MAGI2: variants seen among roughly 807,000 people sequenced by gnomAD.
MAGI2 encodes membrane associated guanylate kinase, WW and PDZ domain containing 2.
MAGI2 carries 35 observed loss-of-function variants against 133.3 expected under a neutral mutation model. The observed-to-expected ratio is 0.26, with a 90% CI of 0.20 to 0.35. The LOEUF (loss-of-function observed/expected upper bound fraction) is 0.35. MAGI2 is among the 10% of genes least tolerant of loss of function. MAGI2 has a pLI of 1.00. For missense variants in MAGI2, 1,636 were observed against 1,863.4 expected (o/e 0.88, Z 2.25); for synonymous variants, 729 against 710.6 (o/e 1.03, Z -0.41).
intron 1 of MAGI2, among the ~76,000 whole-genome samples, chr7:79,435,082 A>G (rs1368299303): frequency 6.6e-6 from 1 of 152,150 alleles, no homozygotes; most frequent in Admixed American, 6.5e-5. Context: ...GGGTCTCCAC[A>G]TTGTTGACTG....
chr7:78,922,069 A>G (rs1799273375), intron 2 of MAGI2, among the ~76,000 whole-genome samples: 1 of 152,106 alleles, frequency 6.6e-6, no homozygotes, highest in Non-Finnish European at 1.5e-5. Context: ...AAAAAGCAAC[A>G]GACATGCTTT....
At chr7:78,114,807 G>T (rs1819695998) in intron 20 of MAGI2, among the ~76,000 whole-genome samples, 1 of 152,190 alleles carries the variant, frequency 6.6e-6, no homozygotes, top group Non-Finnish European at 1.5e-5. Flanking sequence ...GTGGACATGG[G>T]ACTCACACAA....
intron 2 of MAGI2, among the ~76,000 whole-genome samples, chr7:78,838,217 G>A (rs191820967): frequency 1.3e-5 from 2 of 152,168 alleles, no homozygotes; most frequent in African/African-American, 4.8e-5. Context: ...CTTAGTCGCT[G>A]TCTTTGTAGA....
chr7:78,247,254 A>ACTC (rs1166176062), intron 10 of MAGI2, among the ~76,000 whole-genome samples: 1 of 151,796 alleles, frequency 6.6e-6, no homozygotes, highest in Non-Finnish European at 1.5e-5. Flanking sequence ...GTTGCCACAA[A>ACTC]CTCCTATAGC....
chr7:78,514,062 TG>T (rs1332054960), intron 4 of MAGI2, among the ~76,000 whole-genome samples: 1 of 113,338 alleles, frequency 8.8e-6, no homozygotes, highest in Non-Finnish European at 1.6e-5. Flanking sequence ...CACTCCAGCC[TG>T]GGCAACAAGA....
At chr7:78,425,389 T>G (rs1799188533) in intron 6 of MAGI2, among the ~76,000 whole-genome samples, 1 of 152,180 alleles carries the variant, frequency 6.6e-6, no homozygotes, top group South Asian at 2.1e-4. Flanking sequence ...TGTGTCTTTA[T>G]CAGCAGCATG....
Position 78,744,343 on chromosome 7 carries a change from A to G in MAGI2, c.419-117104T>C, listed in dbSNP as rs572140515. ...CCATTTGAATTTTTTTGTTTATCTCATTTTTAACTTCTTACCTCACTGGCT... is the reference window on the plus strand; with the variant it reads ...CCATTTGAATTTTTTTGTTTATCTCGTTTTTAACTTCTTACCTCACTGGCT... On this transcript the variant is annotated intron_variant, in intron 2 of 21. Coordinates refer to ENST00000354212, the MANE Select transcript of MAGI2 (RefSeq NM_012301.4). Among the ~76,000 whole-genome samples the G allele has an allele frequency of 1.1e-4, 17 of 152,134 alleles. No individual in the cohort carries two copies. The South Asian group carries it at 3.5e-3, about 32-fold the overall frequency.
At chr7:78,337,356 C>T (rs1789879673) in intron 9 of MAGI2, among the ~76,000 whole-genome samples, 1 of 152,146 alleles carries the variant, frequency 6.6e-6, no homozygotes, top group South Asian at 2.1e-4. Flanking sequence ...CAGCCAAAGG[C>T]ACACTGCCCT....
chr7:78,466,200 G>A (rs1052378063), intron 6 of MAGI2, among the ~76,000 whole-genome samples: 1 of 152,158 alleles, frequency 6.6e-6, no homozygotes, highest in African/African-American at 2.4e-5. Flanking sequence ...ACCTTATTGA[G>A]CCCCTTTTCC....
intron 20 of MAGI2, among the ~76,000 whole-genome samples, chr7:78,082,987 A>G (rs2151195540): frequency 6.7e-6 from 1 of 149,572 alleles, no homozygotes; most frequent in East Asian, 2.0e-4. Flanking sequence ...ATCTGGATAT[A>G]TAAGAAGATC....
intron 2 of MAGI2, among the ~76,000 whole-genome samples, chr7:78,780,380 G>A (rs190201462): frequency 6.6e-5 from 10 of 152,264 alleles, no homozygotes; most frequent in African/African-American, 2.2e-4. Flanking sequence ...AATTTATAAT[G>A]CCACTTTCTG....
At chr7:79,396,517 G>C (rs1845067028) in intron 1 of MAGI2, among the ~76,000 whole-genome samples, 1 of 152,070 alleles carries the variant, frequency 6.6e-6, no homozygotes, top group Non-Finnish European at 1.5e-5. Context: ...AACATAATAT[G>C]GTTATTGAGA....
intron 1 of MAGI2, among the ~76,000 whole-genome samples, chr7:79,272,045 A>G (rs1834917389): frequency 6.6e-6 from 1 of 152,142 alleles, no homozygotes; most frequent in African/African-American, 2.4e-5. Context: ...AACTATATAT[A>G]CAAAAACCAT....
chr7:79,216,832 G>A (rs2129553173), intron 1 of MAGI2, among the ~76,000 whole-genome samples: 2 of 152,190 alleles, frequency 1.3e-5, no homozygotes, highest in South Asian at 4.1e-4. Flanking sequence ...TGGAGTAAGA[G>A]ACAATTAATT....
intron 1 of MAGI2, among the ~76,000 whole-genome samples, chr7:79,371,161 T>A (rs1843027726): frequency 6.6e-6 from 1 of 152,160 alleles, no homozygotes; most frequent in South Asian, 2.1e-4. Context: ...TATTTATTCC[T>A]CTACATTTTT....
chr7:79,371,664 A>T (rs1192084632), intron 1 of MAGI2, among the ~76,000 whole-genome samples: 1 of 152,186 alleles, frequency 6.6e-6, no homozygotes, highest in Non-Finnish European at 1.5e-5. Context: ...TTGTGTAAGT[A>T]CATTCTATGA....
intron 1 of MAGI2, among the ~76,000 whole-genome samples, chr7:79,084,528 C>G (rs1305650041): frequency 1.3e-5 from 2 of 151,626 alleles, no homozygotes; most frequent in African/African-American, 2.4e-5. Context: ...TAAATGACTT[C>G]AGTTTTTCAA....
intron 13 of MAGI2, among the ~76,000 whole-genome samples, chr7:78,181,037 A>G (rs984842465): frequency 6.7e-6 from 1 of 149,540 alleles, no homozygotes; most frequent in Admixed American, 6.8e-5. Context: ...AACTAAAATT[A>G]TATGTACAAA....
intron 3 of MAGI2, among the ~76,000 whole-genome samples, chr7:78,592,618 AACTT>A (rs1253078707): frequency 6.6e-6 from 1 of 152,162 alleles, no homozygotes; most frequent in African/African-American, 2.4e-5. Flanking sequence ...AGAAGAGAAA[AACTT>A]AAAACTCACA....
Sources: gnomAD v4.1 joint callset for allele counts (sites outside exome capture counted in the v4.1 genomes callset) on GRCh38, gnomAD v4.1.1 for gene constraint, MANE v1.5 for transcripts, NCBI Gene and HGNC (gene_info 2026-07-23, HGNC 2026-07-21) for gene names.